CADPS2: variants seen among roughly 807,000 people sequenced by gnomAD.
CADPS2 encodes calcium-dependent secretion activator 2.
In CADPS2, 93 loss-of-function variants were observed where a neutral mutation model predicts 172.5. The observed-to-expected ratio is 0.54, with a 90% CI of 0.46 to 0.64. The LOEUF (loss-of-function observed/expected upper bound fraction) is 0.64. Among genes scored for constraint, CADPS2 ranks in the 30% least tolerant of loss-of-function variants. The probability of loss-of-function intolerance (pLI) is 0.00; values close to 1 mark genes in which losing one functional copy is unlikely to be tolerated. For synonymous variants in CADPS2, 546 were observed against 555.2 expected, an observed-to-expected ratio of 0.98 and a Z score of 0.23; for missense variants, 1,420 against 1,565.9, an observed-to-expected ratio of 0.91 and a Z score of 1.57.
chr7:122,634,213 A>G (rs926865522), intron 3 of CADPS2, among the ~76,000 whole-genome samples: 13 of 152,028 alleles, frequency 8.6e-5, no homozygotes, highest in African/African-American at 2.9e-4. Flanking sequence ...AGATTTTTAA[A>G]AATAGTTTCA....
At chr7:122,436,360 C>T (rs2050641087) in intron 17 of CADPS2, 2 of 1,278,908 alleles carry the variant, frequency 1.6e-6, no homozygotes, top group South Asian at 1.2e-5. Flanking sequence ...TATTAATTAC[C>T]TGTTTCCTTT....
chr7:122,365,998 C>T (rs993444639), intron 25 of CADPS2, among the ~76,000 whole-genome samples: 1 of 152,068 alleles, frequency 6.6e-6, no homozygotes, highest in Admixed American at 6.5e-5. Flanking sequence ...ATCATTTACA[C>T]TGCACGTTAT....
At chr7:122,782,119 T>C (rs571479707) in intron 1 of CADPS2, among the ~76,000 whole-genome samples, 32 of 152,204 alleles carry the variant, frequency 2.1e-4, no homozygotes, top group Non-Finnish European at 4.3e-4. Flanking sequence ...AAATGCTTAG[T>C]GTGAGAATAA....
chr7:122,337,254 A>C (rs1363081813), intron 28 of CADPS2, among the ~76,000 whole-genome samples: 5 of 152,240 alleles, frequency 3.3e-5, no homozygotes, highest in Non-Finnish European at 7.3e-5. Flanking sequence ...CTGCACTGCC[A>C]GATGAGGTGC....
intron 2 of CADPS2, among the ~76,000 whole-genome samples, chr7:122,720,586 A>C (rs576110875): frequency 3.6e-4 from 54 of 150,242 alleles, no homozygotes; most frequent in Non-Finnish European, 6.2e-4. Context: ...ACACATGTAT[A>C]TGTATATACA....
intron 6 of CADPS2, among the ~76,000 whole-genome samples, chr7:122,592,892 A>G (rs964994978): frequency 1.3e-5 from 2 of 151,736 alleles, no homozygotes; most frequent in Admixed American, 1.3e-4. Context: ...AATGTAAATG[A>G]TGAGTTATCG....
intron 20 of CADPS2, among the ~76,000 whole-genome samples, chr7:122,398,792 T>C (rs186598852): frequency 0.028 from 2,675 of 94,654 alleles, 40 homozygotes; most frequent in Middle Eastern, 0.051. Context: ...CCTCACCCCT[T>C]CCTCCCTCCC....
chr7:122,464,147 T>C (rs1216177604), intron 14 of CADPS2, among the ~76,000 whole-genome samples: 1 of 151,478 alleles, frequency 6.6e-6, no homozygotes, highest in Non-Finnish European at 1.5e-5. Flanking sequence ...TAGGCTAGAG[T>C]AGGGAAAATA....
intron 1 of CADPS2, among the ~76,000 whole-genome samples, chr7:122,765,202 A>G (rs2093508484): frequency 6.6e-6 from 1 of 152,162 alleles, no homozygotes; most frequent in Non-Finnish European, 1.5e-5. Flanking sequence ...TCACAGTTAT[A>G]TTTTACTCCA....
intron 2 of CADPS2, among the ~76,000 whole-genome samples, chr7:122,664,474 G>A (rs889777641): frequency 1.3e-5 from 2 of 152,138 alleles, no homozygotes; most frequent in African/African-American, 4.8e-5. Context: ...TCATGAGACA[G>A]GTAGCAAGGG....
At chr7:122,593,734 G>A (rs1409893893) in intron 6 of CADPS2, among the ~76,000 whole-genome samples, 6 of 151,802 alleles carry the variant, frequency 4.0e-5, no homozygotes, top group Non-Finnish European at 8.8e-5. Context: ...TGAAAAAAAA[G>A]AGAGAGAGCA....
chr7:122,655,015 A>G (rs1397711744), intron 3 of CADPS2, among the ~76,000 whole-genome samples: 1 of 152,232 alleles, frequency 6.6e-6, no homozygotes, highest in Non-Finnish European at 1.5e-5. Flanking sequence ...TGTTCTAGAA[A>G]TAGCAAAAGA....
At chr7:122,595,638 T>G (rs2071652806) in intron 6 of CADPS2, among the ~76,000 whole-genome samples, 1 of 152,020 alleles carries the variant, frequency 6.6e-6, no homozygotes, top group South Asian at 2.1e-4. Context: ...TCTATATGGG[T>G]TTATTGCATT....
chr7:122,581,614 C>G (rs1354473484), intron 6 of CADPS2, among the ~76,000 whole-genome samples: 1 of 152,086 alleles, frequency 6.6e-6, no homozygotes, highest in Non-Finnish European at 1.5e-5. Flanking sequence ...TAAATTATAG[C>G]ACCATTTTTA....
intron 9 of CADPS2, among the ~76,000 whole-genome samples, chr7:122,500,266 T>A (rs888525961): frequency 2.6e-5 from 4 of 152,248 alleles, no homozygotes; most frequent in African/African-American, 4.8e-5. Flanking sequence ...AGTGTCTTCA[T>A]AATACGTATA....
At chr7:122,436,091 T>C (rs2050607692) in intron 17 of CADPS2, among the ~76,000 whole-genome samples, 1 of 152,118 alleles carries the variant, frequency 6.6e-6, no homozygotes, top group Admixed American at 6.6e-5. Flanking sequence ...CTTTAAGAAA[T>C]TGCAAAGAGG....
chr7:122,582,457 G>A (rs2068970884), intron 6 of CADPS2, among the ~76,000 whole-genome samples: 2 of 151,636 alleles, frequency 1.3e-5, no homozygotes, highest in Middle Eastern at 3.4e-3. Flanking sequence ...TAAGCCAGAG[G>A]GAAGAGAAGA....
At chr7:122,811,549 T>C (rs1250865439) in intron 1 of CADPS2, among the ~76,000 whole-genome samples, 2 of 152,206 alleles carry the variant, frequency 1.3e-5, no homozygotes, top group African/African-American at 4.8e-5. Context: ...TGCATTTTAG[T>C]ATTTAACTAA....
intron 8 of CADPS2, among the ~76,000 whole-genome samples, chr7:122,525,095 G>A (rs1446480045): frequency 6.6e-6 from 1 of 151,634 alleles, no homozygotes; most frequent in East Asian, 1.9e-4. Flanking sequence ...AGCCATGATA[G>A]TGCCACTGGA....
Sources: allele counts gnomAD v4.1 joint callset (sites outside exome capture counted in the v4.1 genomes callset), GRCh38; gene constraint gnomAD v4.1.1; transcripts MANE v1.5; gene names NCBI Gene and HGNC (gene_info 2026-07-23, HGNC 2026-07-21).